The following EIF2AK2 variants were observed in gnomAD, a reference collection of about 807,000 sequenced individuals.
EIF2AK2 encodes the protein interferon-induced, double-stranded RNA-activated protein kinase.
A neutral mutation model predicts 70.5 loss-of-function variants in EIF2AK2; 40 were observed. The observed-to-expected ratio is 0.57, with a 90% confidence interval of 0.44 to 0.74. The LOEUF (loss-of-function observed/expected upper bound fraction) is 0.74, where lower values mean the gene tolerates loss of function less well. EIF2AK2 is among the 30% of genes least tolerant of loss of function. EIF2AK2 has a pLI of 0.00. For missense variants in EIF2AK2, 555 were observed against 644.3 expected (o/e 0.86, Z 1.50); for synonymous variants, 198 against 220.9 (o/e 0.90, Z 0.92).
At chr2:37,154,704 GCGC>G (rs1675861898) in intron 1 of EIF2AK2, among the ~76,000 whole-genome samples, 1 of 152,014 alleles carries the variant, frequency 6.6e-6, no homozygotes, top group Non-Finnish European at 1.5e-5. Flanking sequence ...GGGATTACAG[GCGC>G]CCACCACCAC....
In EIF2AK2 at chr2:37,156,903, C is replaced by G. The variant is rs1313104485; in HGVS notation, c.-184+5G>C. 3 of 179,656 alleles carry G rather than the reference C, an allele frequency of 1.7e-5. No individual in the cohort carries two copies. The highest frequency in any genetic ancestry group is 7.7e-5 in the African/African-American group (3 of 39,212). The allele number at this position is 179,656 out of a possible 1,614,324, so 11.1% of individuals were successfully genotyped here. ...GCTCCCTCGGCTGCCCCCTGCCCTG[C>G]TCACCTGCGCCGCCGCCGCCGCCGC... On this transcript the variant is annotated splice_donor_5th_base_variant and intron_variant, in intron 1 of 16. Transcript: ENST00000233057.
intron 10 of EIF2AK2, among the ~76,000 whole-genome samples, chr2:37,130,949 T>C (rs1674918713): frequency 6.6e-6 from 1 of 152,308 alleles, no homozygotes; most frequent in South Asian, 2.1e-4. Context: ...AAACGTTTCA[T>C]AGCTAGGATT....
At chr2:37,115,556 G>A (rs924365900) in intron 13 of EIF2AK2, among the ~76,000 whole-genome samples, 3 of 152,136 alleles carry the variant, frequency 2.0e-5, no homozygotes, top group African/African-American at 4.8e-5. Context: ...TCCAAAGAAT[G>A]GGAGTTAGAC....
intron 12 of EIF2AK2, among the ~76,000 whole-genome samples, chr2:37,120,412 C>T (rs949401671): frequency 1.4e-4 from 20 of 144,232 alleles, no homozygotes; most frequent in African/African-American, 4.9e-4. Context: ...GAGGCTGAGG[C>T]AAGAGAATGG....
In EIF2AK2 at chr2:37,141,625, T is replaced by C. The variant is rs1558426119; in HGVS notation, c.317A>G (p.Asn106Ser). Residue 106 changes from asparagine to serine, a missense_variant, in exon 5 of 17, where the codon AAT becomes AGT. Around this residue, in one of 3 missense-constraint regions of EIF2AK2, gnomAD observed 208 missense variants for 191.8 expected, o/e 1.08. Transcript: ENST00000233057. ...TAGTCTTTTCTTCTGGGCAATTCTATTGATAAGGCCTATGTAATTCCCCAT... is the reference window on the plus strand; with the variant it reads ...TAGTCTTTTCTTCTGGGCAATTCTACTGATAAGGCCTATGTAATTCCCCAT... Reference protein sequence around the residue: ...LSMGNYIGLINRIAQKKRLTV... With the variant: ...LSMGNYIGLISRIAQKKRLTV... 6.2e-7 allele frequency: 1 copy of C among 1,614,160 alleles called. No homozygotes were observed. The highest frequency in any genetic ancestry group is 8.5e-7 in the Non-Finnish European group (1 of 1,180,010).
chr2:37,123,921 T>TA (rs1043744605), intron 11 of EIF2AK2, among the ~76,000 whole-genome samples: 11 of 151,658 alleles, frequency 7.3e-5, no homozygotes, highest in Non-Finnish European at 1.5e-5. Context: ...TTTGCAAAAA[T>TA]AAAAAAAATT....
Position 37,107,054 on chromosome 2 carries a change from A to AG in EIF2AK2, c.*218_*219insC. 3 of 519,062 alleles carry AG rather than the reference A, an allele frequency of 5.8e-6. No homozygotes were observed. Among genetic ancestry groups the AG allele is most frequent in the South Asian group, 3.7e-5 (1 of 26,794 alleles). 32.2% of individuals were successfully genotyped at this position (519,062 alleles called of 1,614,324 possible). A position where few individuals can be genotyped will look rare whatever the true frequency, so the allele number is the denominator to read the frequency against. On this transcript the variant is annotated 3_prime_UTR_variant, in exon 17 of 17. Transcript: ENST00000233057. The stretch of plus-strand genomic sequence containing the variant: ...GAGACTCTGTCTTTAAAAAAAAAAA[A>AG]AGAATAAAGAGATGAGCCAGGAAAA...
In EIF2AK2 at chr2:37,127,262, G is replaced by T. The variant is rs1184161842; in HGVS notation, c.786-851C>A. On this transcript the variant is annotated intron_variant, in intron 10 of 16. Coordinates refer to ENST00000233057, the MANE Select transcript of EIF2AK2 (RefSeq NM_001135651.3). ...TTCACCCCAGTCCATGCTTCCATTA[G>T]GCCATAGCAGTACCTCGTTAACTGG... is the stretch of plus-strand genomic sequence containing the variant. Among the ~76,000 whole-genome samples the T allele has an allele frequency of 2.0e-5, 3 of 151,962 alleles. No individual in the cohort carries two copies. In the South Asian group the frequency reaches 6.2e-4, roughly 32 times the overall value.
At chr2:37,120,332 C>T (rs1410128260) in intron 12 of EIF2AK2, among the ~76,000 whole-genome samples, 193 bp from the exon 13 acceptor site, 1 of 150,302 alleles carries the variant, frequency 6.7e-6, no homozygotes, top group Non-Finnish European at 1.5e-5. Context: ...GGTGAAACCC[C>T]GTCTCTACTA....
At position 37,107,468 on chromosome 2, in the gene EIF2AK2, G is replaced by C. The variant is rs1674000957; in HGVS notation, c.1533+6C>G. 1.2e-6 allele frequency: 2 copies of C among 1,612,026 alleles called. No homozygotes were observed. Among genetic ancestry groups the C allele is most frequent in the African/African-American group, 2.7e-5 (2 of 74,818 alleles). On this transcript the variant is annotated splice_donor_region_variant and intron_variant, in intron 16 of 16. Coordinates refer to ENST00000233057, the MANE Select transcript of EIF2AK2 (RefSeq NM_001135651.3). ...AATAAAATTCTGATGATTTTCAAGT[G>C]CTTACTTCTTTTTTATCAAATATAT...
chr2:37,126,333 A>G lies in EIF2AK2; in HGVS notation c.864T>C (p.Ile288=). 2 of 1,611,940 alleles carry G rather than the reference A, an allele frequency of 1.2e-6. No homozygotes were observed. Among genetic ancestry groups the G allele is most frequent in the Non-Finnish European group, 1.7e-6 (2 of 1,179,150 alleles). The part of the protein sequence containing the change: ...FGQVFKAKHR[I]DGKTYVIKRV... ...GTTTAATAACGTAAGTCTTTCCGTC[A>G]ATTCTGTGTTTTGCTTTGAAAACTT... The change falls in exon 11 of 17, where the codon ATT becomes ATC. Residue 288 remains isoleucine (I), a synonymous_variant. Coordinates refer to ENST00000233057, the MANE Select transcript of EIF2AK2 (RefSeq NM_001135651.3).
intron 11 of EIF2AK2, among the ~76,000 whole-genome samples, chr2:37,126,047 A>G (rs1674717317): frequency 6.6e-6 from 1 of 152,224 alleles, no homozygotes; most frequent in Non-Finnish European, 1.5e-5. Flanking sequence ...ATGACTCTAT[A>G]GCTTCAGTTC....
At chr2:37,111,770 A>T (rs922542381) in intron 14 of EIF2AK2, among the ~76,000 whole-genome samples, 1 of 147,798 alleles carries the variant, frequency 6.8e-6, no homozygotes, top group Non-Finnish European at 1.5e-5. Flanking sequence ...AGGCAGGAGG[A>T]TCACCTGAGC....
intron 1 of EIF2AK2, among the ~76,000 whole-genome samples, chr2:37,154,638 G>T (rs1675858794): frequency 6.6e-6 from 1 of 152,054 alleles, no homozygotes; most frequent in Non-Finnish European, 1.5e-5. Flanking sequence ...TCGGCTCGCT[G>T]CAACCTCTGC....
chr2:37,143,212 G>A (rs1480646520), intron 4 of EIF2AK2, among the ~76,000 whole-genome samples: 2 of 120,006 alleles, frequency 1.7e-5, no homozygotes, highest in Non-Finnish European at 3.4e-5. Flanking sequence ...AACAGAGCGA[G>A]ACTCTGTCTC....
chr2:37,107,081 G>C lies in EIF2AK2; in HGVS notation c.*192C>G, dbSNP rs1286006557. Reference sequence around the variant, plus strand: ...GAATAAAGAGATGAGCCAGGAAAAAGTAAAATGTAAGAATGTTTTTGAAGC... The same window carrying C: ...GAATAAAGAGATGAGCCAGGAAAAACTAAAATGTAAGAATGTTTTTGAAGC... On this transcript the variant is annotated 3_prime_UTR_variant, in exon 17 of 17. Transcript: ENST00000233057. 3 of 683,226 alleles carry C rather than the reference G, an allele frequency of 4.4e-6. No homozygotes were observed. The highest frequency in any genetic ancestry group is 6.4e-6 in the Non-Finnish European group (3 of 467,020). The allele number at this position is 683,226 out of a possible 1,614,324, so 42.3% of individuals were successfully genotyped here.
At chr2:37,133,994 C>T (rs1210762881) in intron 10 of EIF2AK2, among the ~76,000 whole-genome samples, 1 of 152,178 alleles carries the variant, frequency 6.6e-6, no homozygotes, top group Non-Finnish European at 1.5e-5. Flanking sequence ...TTCTATAAAC[C>T]TTACACAACC....
intron 14 of EIF2AK2, among the ~76,000 whole-genome samples, chr2:37,113,557 G>A (rs1241518528): frequency 1.5e-5 from 2 of 134,142 alleles, no homozygotes; most frequent in African/African-American, 2.8e-5. Flanking sequence ...AAACAAAGAA[G>A]TAACAATCAA....
At chr2:37,111,583 G>A (rs1026694394) in intron 14 of EIF2AK2, among the ~76,000 whole-genome samples, 7 of 151,114 alleles carry the variant, frequency 4.6e-5, no homozygotes, top group Non-Finnish European at 7.4e-5. Context: ...ACCAGGCGCC[G>A]TGGCTCATTC....
Sources: allele counts gnomAD v4.1 joint callset (sites outside exome capture counted in the v4.1 genomes callset), GRCh38; gene constraint gnomAD v4.1.1; regional missense constraint gnomAD v4.1.1; transcripts MANE v1.5; gene names NCBI Gene and HGNC (gene_info 2026-07-23, HGNC 2026-07-21).